Variants in LYPD1 observed in about 807,000 individuals in gnomAD.
The protein encoded by LYPD1 is LY6/PLAUR domain containing 1.
A neutral mutation model predicts 14.2 loss-of-function variants in LYPD1; 14 were observed. The observed-to-expected ratio is 0.99, with a 90% CI of 0.65 to 1.54. LYPD1 has a LOEUF of 1.54. Among genes scored for constraint, LYPD1 ranks in the 40% most tolerant of loss-of-function variants. The pLI is 0.00. For missense variants in LYPD1, 165 were observed against 175.7 expected (o/e 0.94, Z 0.34); for synonymous variants, 85 against 70.6 (o/e 1.20, Z -1.02).
intron 2 of LYPD1, among the ~76,000 whole-genome samples, chr2:132,665,052 G>A (rs1683190475): frequency 6.6e-6 from 1 of 152,192 alleles, no homozygotes; most frequent in African/African-American, 2.4e-5. Context: ...CTTCCCCACA[G>A]CCAGTACCTT....
In LYPD1 at chr2:132,645,998, C is replaced by G. The variant is rs182316747; in HGVS notation, c.*47G>C. 1 of 1,403,024 alleles carries G rather than the reference C, an allele frequency of 7.1e-7. No homozygotes were observed. The highest frequency in any genetic ancestry group is 1.5e-5 in the African/African-American group (1 of 68,744). 86.9% of individuals were successfully genotyped at this position (1,403,024 alleles called of 1,614,324 possible). A position where few individuals can be genotyped will look rare whatever the true frequency, so the allele number is the denominator to read the frequency against. Reference sequence around the variant, plus strand: ...ACTCAGGGAGGTGGGGGGTTGGGGGCGAGGGCTGGAAGAACAATGCAGGAG... The same window carrying G: ...ACTCAGGGAGGTGGGGGGTTGGGGGGGAGGGCTGGAAGAACAATGCAGGAG... On this transcript the variant is annotated 3_prime_UTR_variant, in exon 3 of 3. Transcript: ENST00000397463.
rs552944365 is a variant in LYPD1 at position 132,645,433 on chromosome 2, C to T, written c.*612G>A. Reference sequence around the variant, plus strand: ...GCAGCGCCCGTTGCTCTTCGCGTCCCGGCGCCAGTCCTCTGCAAGGAGAAC... The same window carrying T: ...GCAGCGCCCGTTGCTCTTCGCGTCCTGGCGCCAGTCCTCTGCAAGGAGAAC... On this transcript the variant is annotated 3_prime_UTR_variant, in exon 3 of 3. Coordinates refer to ENST00000397463, the MANE Select transcript of LYPD1 (RefSeq NM_144586.7). 40 of 1,613,596 alleles carry T rather than the reference C, an allele frequency of 2.5e-5. No homozygotes were observed. Among genetic ancestry groups the T allele is most frequent in the Middle Eastern group, 1.6e-4 (1 of 6,062 alleles).
chr2:132,663,640 T>C (rs1282451303), intron 2 of LYPD1, among the ~76,000 whole-genome samples: 1 of 152,206 alleles, frequency 6.6e-6, no homozygotes, highest in Non-Finnish European at 1.5e-5. Context: ...GAACTTTGTT[T>C]TTGTTTTGCA....
At chr2:132,652,538 A>G (rs1330144473) in intron 2 of LYPD1, among the ~76,000 whole-genome samples, 3 of 152,210 alleles carry the variant, frequency 2.0e-5, no homozygotes, top group African/African-American at 7.2e-5. Context: ...TAGAAGGCTC[A>G]ACTGGTAGAT....
At chr2:132,659,352 GAGAA>G (rs1277564936) in intron 2 of LYPD1, among the ~76,000 whole-genome samples, 2 of 152,176 alleles carry the variant, frequency 1.3e-5, no homozygotes, top group Non-Finnish European at 2.9e-5. Context: ...GAGGTAGAGA[GAGAA>G]AGAGAGAGAG....
chr2:132,660,922 C>G (rs184018203), intron 2 of LYPD1, among the ~76,000 whole-genome samples: 6,002 of 152,224 alleles, frequency 0.039, 419 homozygotes, highest in African/African-American at 0.13. Context: ...TTAACCAAAA[C>G]CTTTCTCCAC....
At position 132,670,134 on chromosome 2, in the gene LYPD1, G is replaced by C. The variant is rs1241688401; in HGVS notation, c.-202C>G. ...GCCCGCGCTCGGGCTCCCGGCTGCG[G>C]GTCTCTGCTCCTCCCGCTCGCGCTC... On this transcript the variant is annotated 5_prime_UTR_variant, in exon 1 of 3. Coordinates refer to ENST00000397463, the MANE Select transcript of LYPD1 (RefSeq NM_144586.7). The surrounding 1 kb of genome is among the most constrained non-coding windows in gnomAD (Gnocchi z 4.5). 2.1e-6 allele frequency: 3 copies of C among 1,399,374 alleles called. No homozygotes were observed. Among genetic ancestry groups the C allele is most frequent in the East Asian group, 2.9e-5 (1 of 34,282 alleles). The allele number at this position is 1,399,374 out of a possible 1,614,324, so 86.7% of individuals were successfully genotyped here.
chr2:132,650,882 G>A (rs562916433), intron 2 of LYPD1, among the ~76,000 whole-genome samples: 3 of 152,154 alleles, frequency 2.0e-5, no homozygotes, highest in Admixed American at 6.5e-5. Flanking sequence ...CAAAAATAGG[G>A]TAGGTAATTT....
intron 2 of LYPD1, chr2:132,646,484 C>CAAAACTGTTCCAAAAGCGATTTGAG: frequency 2.5e-6 from 1 of 402,070 alleles, no homozygotes; most frequent in Non-Finnish European, 4.4e-6. Flanking sequence ...TTAGTTTTAA[C>CAAAACTGTTCCAAAAGCGATTTGAG]AAAACTGTTC....
chr2:132,645,961 C>T lies in LYPD1; in HGVS notation c.*84G>A, dbSNP rs192690503. ...TCCCTACCCAGAATAAAAGGACACC[C>T]AGAAGAAACTCACTCAGGGAGGTGG... On this transcript the variant is annotated 3_prime_UTR_variant, in exon 3 of 3. Coordinates refer to ENST00000397463, the MANE Select transcript of LYPD1 (RefSeq NM_144586.7). The T allele has an allele frequency of 7.2e-5, 75 of 1,043,716 alleles. No individual in the cohort carries two copies. In the African/African-American group the frequency reaches 9.7e-4, roughly 14 times the overall value. The allele number at this position is 1,043,716 out of a possible 1,614,324, so 64.7% of individuals were successfully genotyped here. A position where few individuals can be genotyped will look rare whatever the true frequency, so the allele number is the denominator to read the frequency against.
chr2:132,644,948 G>T lies in LYPD1; in HGVS notation c.*1097C>A. On this transcript the variant is annotated 3_prime_UTR_variant, in exon 3 of 3. Transcript: ENST00000397463. ...TTCTCTCTTGCTTGTGGCAAAAGAA[G>T]CTGTCAAGTCCAACACTGAAAAATT... The T allele has an allele frequency of 2.5e-6, 2 of 795,326 alleles. No homozygotes were observed. Among genetic ancestry groups the T allele is most frequent in the Non-Finnish European group, 3.9e-6 (2 of 515,000 alleles). The allele number at this position is 795,326 out of a possible 1,614,324, so 49.3% of individuals were successfully genotyped here.
At chr2:132,650,644 TA>T (rs1682324613) in intron 2 of LYPD1, among the ~76,000 whole-genome samples, 1 of 151,504 alleles carries the variant, frequency 6.6e-6, no homozygotes, top group Non-Finnish European at 1.5e-5. Context: ...GATACTGAGT[TA>T]AAAACAAAGC....
intron 2 of LYPD1, among the ~76,000 whole-genome samples, chr2:132,663,333 G>T (rs1683076610): frequency 6.6e-6 from 1 of 152,172 alleles, no homozygotes; most frequent in South Asian, 2.1e-4. Flanking sequence ...GAGTGCAGTG[G>T]AGTAATCTCA....
chr2:132,671,126 G>A, upstream of LYPD1: 1 of 152,668 alleles, frequency 6.6e-6, no homozygotes, highest in Admixed American at 6.5e-5. Flanking sequence ...GCCTCTGGCT[G>A]CTCCCCACAC....
Position 132,645,215 on chromosome 2 carries a change from T to G in LYPD1, c.*830A>C. On this transcript the variant is annotated 3_prime_UTR_variant, in exon 3 of 3. Transcript: ENST00000397463. ...AGGTCCTACTTCCGGGCGTACATGA[T>G]CCTCCTCCCCTTCTCGGAGACGTTT... 2 of 1,614,128 alleles carry G rather than the reference T, an allele frequency of 1.2e-6. No homozygotes were observed. Among genetic ancestry groups the G allele is most frequent in the Non-Finnish European group, 1.7e-6 (2 of 1,180,010 alleles).
chr2:132,668,632 A>G, intron 1 of LYPD1, 95 bp from the exon 2 acceptor site: 1 of 1,518,886 alleles, frequency 6.6e-7, no homozygotes, highest in South Asian at 1.2e-5. Flanking sequence ...GGCGGCTCCC[A>G]GCCTCTGGCA....
intron 2 of LYPD1, among the ~76,000 whole-genome samples, chr2:132,662,227 C>G (rs1682990867): frequency 2.0e-5 from 3 of 152,224 alleles, no homozygotes; most frequent in Admixed American, 2.0e-4. Flanking sequence ...GGGGCAACTC[C>G]TGGTGAGCAT....
In LYPD1 at chr2:132,658,389, G is replaced by T. The variant is rs143208083; in HGVS notation, c.190+10011C>A. 1.3e-5 allele frequency among the ~76,000 whole-genome samples: 2 copies of T among 152,326 alleles called. 1 individual carries two copies. Among genetic ancestry groups the T allele is most frequent in the East Asian group, 3.9e-4 (2 of 5,178 alleles). ...GGAGGCAAGAACAGAAAGGACGGGG[G>T]CAGCAGTAATGGCTGGTAAATTCTG... On this transcript the variant is annotated intron_variant, in intron 2 of 2. Transcript: ENST00000397463.
intron 2 of LYPD1, 24 bp from the exon 3 acceptor site, chr2:132,646,304 T>C: frequency 7.1e-7 from 1 of 1,406,390 alleles, no homozygotes; most frequent in Non-Finnish European, 9.4e-7. Context: ...CCAAAGGAGC[T>C]GAGTTAACGT....
Sources: allele counts gnomAD v4.1 joint callset (sites outside exome capture counted in the v4.1 genomes callset), GRCh38; gene constraint gnomAD v4.1.1; non-coding constraint Gnocchi (gnomAD v3.1); transcripts MANE v1.5; gene names NCBI Gene and HGNC (gene_info 2026-07-23, HGNC 2026-07-21).